The following HEATR5B variants were observed in gnomAD, a reference collection of about 807,000 sequenced individuals.
HEATR5B encodes the protein HEAT repeat containing 5B, also known as HEAT repeat-containing protein 5B.
A neutral mutation model predicts 224.1 loss-of-function variants in HEATR5B; 156 were observed. The observed-to-expected ratio is 0.70, with a 90% confidence interval of 0.61 to 0.80. The LOEUF (loss-of-function observed/expected upper bound fraction) is 0.80, where lower values mean the gene tolerates loss of function less well. Among genes scored for constraint, HEATR5B ranks in the 30% least tolerant of loss-of-function variants. The probability of loss-of-function intolerance (pLI) is 0.00; values close to 1 mark genes in which losing one functional copy is unlikely to be tolerated. For synonymous variants in HEATR5B, 1,027 were observed against 893.0 expected (o/e 1.15, Z -2.68); for missense variants, 2,323 against 2,535.5 (o/e 0.92, Z 1.80).
At position 36,988,679 on chromosome 2, in the gene HEATR5B, C is replaced by T; in HGVS notation, c.5878G>A (p.Glu1960Lys). The T allele has an allele frequency of 1.2e-6, 2 of 1,614,026 alleles. 1 individual carries two copies. The highest frequency in any genetic ancestry group is 2.2e-5 in the South Asian group (2 of 91,078). Residue 1960 changes from glutamate to lysine, a missense_variant, in exon 35 of 36, where the codon GAA becomes AAA. Physicochemically the swap from Glu to Lys is moderately conservative, Grantham distance 56. Coordinates refer to ENST00000233099, the MANE Select transcript of HEATR5B (RefSeq NM_019024.3). Reference protein sequence around the residue: ...LAVQEGIKVLETLVALGEEQN... With the variant: ...LAVQEGIKVLKTLVALGEEQN... ...TCTTCACCAAGAGCAACCAGTGTTT[C>T]AAGAACTTTTATTCCTTCTTGAACC...
Position 37,059,007 on chromosome 2 carries a change from G to A in HEATR5B, c.1850-20C>T, listed in dbSNP as rs186812057. 749 of 1,476,548 alleles carry A rather than the reference G, an allele frequency of 5.1e-4. 3 individuals are homozygous for A. The African/African-American group carries it at 9.2e-3, about 18-fold the overall frequency. 91.5% of individuals were successfully genotyped at this position (1,476,548 alleles called of 1,614,324 possible). On this transcript the variant is annotated intron_variant, in intron 12 of 35. Coordinates refer to ENST00000233099, the MANE Select transcript of HEATR5B (RefSeq NM_019024.3). ...TCATGGCTAGATAAAATGTTTAAAA[G>A]GACAGATTTGGAGTAGCTTTTGTGA...
At chr2:37,020,565 T>C in intron 25 of HEATR5B, 90 bp downstream of exon 25, 3 of 894,200 alleles carry the variant, frequency 3.4e-6, no homozygotes, top group Non-Finnish European at 5.0e-6. Context: ...CAGATTGCAG[T>C]TCCAAATGCA....
At chr2:37,023,088 G>A (rs1439575944) in intron 24 of HEATR5B, among the ~76,000 whole-genome samples, 1 of 151,272 alleles carries the variant, frequency 6.6e-6, no homozygotes, top group African/African-American at 2.4e-5. Flanking sequence ...GAAAAGAAAA[G>A]CACGAAAATA....
At chr2:36,994,045 A>C (rs1666522020) in intron 33 of HEATR5B, among the ~76,000 whole-genome samples, 1 of 152,182 alleles carries the variant, frequency 6.6e-6, no homozygotes, top group Non-Finnish European at 1.5e-5. Flanking sequence ...TTCTGTGGTT[A>C]TGGAAGGGAA....
chr2:37,007,604 G>A (rs1426527555), intron 28 of HEATR5B, among the ~76,000 whole-genome samples: 2 of 151,798 alleles, frequency 1.3e-5, no homozygotes, highest in African/African-American at 2.4e-5. Context: ...CAAAGTGCTG[G>A]GATTACAGGC....
Position 37,007,207 on chromosome 2 carries a change from A to G in HEATR5B, c.4620T>C (p.Asn1540=). ...PILHAVALWL[N]STGFTCSEST... ...ACTCTGAGCACGTAAATCCTGTGCT[A>G]TTTAACCAAAGTGCCACCGCATGGA... is the stretch of plus-strand genomic sequence containing the variant. Residue 1540 remains asparagine, a synonymous_variant, in exon 29 of 36, where the codon AAT becomes AAC. Transcript: ENST00000233099. The G allele has an allele frequency of 2.5e-6, 4 of 1,614,100 alleles. No individual in the cohort carries two copies. The highest frequency in any genetic ancestry group is 2.2e-5 in the East Asian group (1 of 44,882).
rs1339002095 is a variant in HEATR5B, at chr2:36,988,779, T to A, written c.5778A>T (p.Ser1926=). The change falls in exon 35 of 36, where the codon TCA becomes TCT. Residue 1926 remains serine, a synonymous_variant. Transcript: ENST00000233099. ...NRALSTPYIH[S]LAPIVVEKLK... ...GCTTTTCAACCACTATTGGAGCTAA[T>A]GAATGAATATAAGGAGTTGAAAGGG... 6.2e-7 allele frequency: 1 copy of A among 1,614,090 alleles called. No homozygotes were observed. Among genetic ancestry groups the A allele is most frequent in the Admixed American group, 1.7e-5 (1 of 60,022 alleles).
chr2:36,990,928 G>A (rs1032872257), intron 33 of HEATR5B, 129 bp from the exon 34 acceptor site: 11 of 691,518 alleles, frequency 1.6e-5, no homozygotes, highest in Non-Finnish European at 2.5e-5. Flanking sequence ...GAGCTCAAGT[G>A]ATCCTCCTGC....
At chr2:37,043,361 T>A (rs1258811205) in intron 18 of HEATR5B, among the ~76,000 whole-genome samples, 2 of 152,210 alleles carry the variant, frequency 1.3e-5, no homozygotes, top group African/African-American at 4.8e-5. Context: ...TGGCAAAAGT[T>A]TTTTGGAATG....
intron 12 of HEATR5B, among the ~76,000 whole-genome samples, chr2:37,059,406 ATGTG>A (rs529487124): frequency 0.064 from 6,367 of 100,170 alleles, 233 homozygotes; most frequent in Non-Finnish European, 0.079. Flanking sequence ...ATATATGTAT[ATGTG>A]TGTGTGTGTG....
intron 22 of HEATR5B, among the ~76,000 whole-genome samples, chr2:37,031,827 TCTCTGTCAATTAAA>T (rs1253555806): frequency 1.3e-5 from 2 of 152,112 alleles, no homozygotes; most frequent in African/African-American, 2.4e-5. Context: ...AGGGGAAATA[TCTCTGTCAATTAAA>T]CTCTTAAAAA....
At position 37,075,474 on chromosome 2, in the gene HEATR5B, C is replaced by T. The variant is rs375144411; in HGVS notation, c.597+11G>A. ...ATAAAGAGCAGTATTCTAAATTGGTCGAGTACTAACCTTGGCCACTGCACA... is the reference window on the plus strand; with the variant it reads ...ATAAAGAGCAGTATTCTAAATTGGTTGAGTACTAACCTTGGCCACTGCACA... On this transcript the variant is annotated intron_variant, in intron 5 of 35. Transcript: ENST00000233099. 1.2e-5 allele frequency: 20 copies of T among 1,600,590 alleles called. No individual in the cohort carries two copies. Among genetic ancestry groups the T allele is most frequent in the African/African-American group, 4.0e-5 (3 of 74,406 alleles).
chr2:37,077,146 CA>C lies in HEATR5B; in HGVS notation c.339-128del, dbSNP rs950958268. On this transcript the variant is annotated intron_variant, in intron 3 of 35. Coordinates refer to ENST00000233099, the MANE Select transcript of HEATR5B (RefSeq NM_019024.3). ...GGCTATAATCCTTAATTTCAACTAT[CA>C]AAAACAATTTATGCTTCATAACTGC... is the stretch of plus-strand genomic sequence containing the variant. 34 of 708,300 alleles carry C rather than the reference CA, an allele frequency of 4.8e-5. 1 individual carries two copies. In the African/African-American group the frequency reaches 5.4e-4, roughly 11 times the overall value. The allele number at this position is 708,300 out of a possible 1,614,324, so 43.9% of individuals were successfully genotyped here.
chr2:37,008,910 C>T lies in HEATR5B; in HGVS notation c.4285-62G>A, dbSNP rs145953830. ...TAAGATAAAAAAATAAGATATTTTA[C>T]GTTATTATAAAAATACAGTTAAATC... On this transcript the variant is annotated intron_variant, in intron 27 of 35. Coordinates refer to ENST00000233099, the MANE Select transcript of HEATR5B (RefSeq NM_019024.3). The T allele has an allele frequency of 4.9e-4, 504 of 1,027,472 alleles. 5 individuals are homozygous for T. In the African/African-American group the frequency reaches 7.2e-3, roughly 15 times the overall value. 63.6% of individuals were successfully genotyped at this position (1,027,472 alleles called of 1,614,324 possible). A position where few individuals can be genotyped will look rare whatever the true frequency, so the allele number is the denominator to read the frequency against.
chr2:36,993,418 T>C (rs1666469535), intron 33 of HEATR5B, among the ~76,000 whole-genome samples: 1 of 151,808 alleles, frequency 6.6e-6, no homozygotes, highest in African/African-American at 2.4e-5. Context: ...ACACCTGTAG[T>C]CCCAGCTACT....
At chr2:37,015,993 G>A (rs746131624) in intron 26 of HEATR5B, among the ~76,000 whole-genome samples, 37 of 151,586 alleles carry the variant, frequency 2.4e-4, no homozygotes, top group Admixed American at 9.2e-4. Flanking sequence ...GAAAATACCA[G>A]AAAAACAAAA....
At chr2:37,035,834 G>T (rs576623432) in intron 21 of HEATR5B, among the ~76,000 whole-genome samples, 1 of 152,030 alleles carries the variant, frequency 6.6e-6, no homozygotes, top group African/African-American at 2.4e-5. Context: ...TGAGCTCCAG[G>T]CCCATAAAAC....
At chr2:37,054,822 T>G (rs1275937816) in intron 16 of HEATR5B, among the ~76,000 whole-genome samples, 1 of 152,134 alleles carries the variant, frequency 6.6e-6, no homozygotes. Flanking sequence ...TGAGAGAGCA[T>G]TCTTCTAAAA....
chr2:37,049,361 G>A (rs750776905), intron 18 of HEATR5B, among the ~76,000 whole-genome samples: 34 of 152,182 alleles, frequency 2.2e-4, no homozygotes, highest in Admixed American at 6.5e-4. Context: ...CACCTCTTCA[G>A]TGAATACACA....
Sources: gnomAD v4.1 joint callset for allele counts (sites outside exome capture counted in the v4.1 genomes callset) on GRCh38, gnomAD v4.1.1 for gene constraint, MANE v1.5 for transcripts, NCBI Gene and HGNC (gene_info 2026-07-23, HGNC 2026-07-21) for gene names.